The following PHC2 variants were observed in gnomAD, a reference collection of about 807,000 sequenced individuals.
The protein encoded by PHC2 is polyhomeotic homolog 2.
In PHC2, 29 loss-of-function variants were observed where a neutral mutation model predicts 87.4. The observed-to-expected ratio is 0.33, with a 90% confidence interval of 0.25 to 0.45. The LOEUF is 0.45. PHC2 is among the 20% of genes least tolerant of loss of function. The probability of loss-of-function intolerance (pLI) is 1.00; values close to 1 mark genes in which losing one functional copy is unlikely to be tolerated. For missense variants in PHC2, 857 were observed against 1,136.7 expected (o/e 0.75, Z 3.54); for synonymous variants, 438 against 461.7 (o/e 0.95, Z 0.66).
At position 33,369,635 on chromosome 1, in the gene PHC2, G is replaced by A. The variant is rs1050327667; in HGVS notation, c.576+786C>T. ...AGACCAGACAAGCTCCGAGGGTCAC[G>A]TCCTGGCCATAAGAGCAAAGGGAGG... On this transcript the variant is annotated intron_variant, in intron 5 of 14. Transcript: ENST00000683057. This position sits in a 1 kb window ranked among gnomAD's most constrained non-coding sequence, Gnocchi z 4.7. 4.6e-5 allele frequency among the ~76,000 whole-genome samples: 7 copies of A among 152,188 alleles called. No individual in the cohort carries two copies. Among genetic ancestry groups the A allele is most frequent in the East Asian group, 3.9e-4 (2 of 5,194 alleles).
chr1:33,359,659 A>C (rs1647158903), intron 7 of PHC2, among the ~76,000 whole-genome samples: 1 of 152,244 alleles, frequency 6.6e-6, no homozygotes, highest in Non-Finnish European at 1.5e-5. Flanking sequence ...TAATTTGGTA[A>C]ATATTATGAT....
intron 6 of PHC2, 88 bp from the exon 7 acceptor site, chr1:33,367,516 G>T: frequency 9.9e-7 from 1 of 1,011,754 alleles, no homozygotes; most frequent in Non-Finnish European, 1.5e-6. Context: ...ATGGATCCAG[G>T]AATGGCTGAA....
At chr1:33,376,422 G>C (rs931621708) in intron 1 of PHC2, among the ~76,000 whole-genome samples, 1 of 152,216 alleles carries the variant, frequency 6.6e-6, no homozygotes, top group Non-Finnish European at 1.5e-5. Flanking sequence ...ATCAGGTCTG[G>C]CTGATTCTAA....
intron 1 of PHC2, among the ~76,000 whole-genome samples, chr1:33,398,612 GA>G (rs1393204444): frequency 2.6e-5 from 4 of 152,154 alleles, no homozygotes; most frequent in African/African-American, 9.7e-5. Context: ...AAACATAAGG[GA>G]AAAGATGCTC....
At chr1:33,329,357 T>C (rs1646439194) in intron 13 of PHC2, among the ~76,000 whole-genome samples, 1 of 152,318 alleles carries the variant, frequency 6.6e-6, no homozygotes, top group Non-Finnish European at 1.5e-5. Flanking sequence ...AATACTGCAA[T>C]TATCTTTTTC....
intron 9 of PHC2, chr1:33,353,374 A>G (rs1035512853): frequency 6.6e-6 from 1 of 152,214 alleles, no homozygotes; most frequent in Non-Finnish European, 1.5e-5. Context: ...TCATTTGAAA[A>G]GCAACTTTCT....
chr1:33,396,824 C>T (rs981487252), intron 1 of PHC2, among the ~76,000 whole-genome samples: 5 of 152,144 alleles, frequency 3.3e-5, no homozygotes, highest in Non-Finnish European at 7.3e-5. Flanking sequence ...AGCTGAGATG[C>T]ATTTCTTTGG....
chr1:33,405,508 T>G (rs564739436), intron 1 of PHC2, among the ~76,000 whole-genome samples: 41 of 152,290 alleles, frequency 2.7e-4, no homozygotes, highest in African/African-American at 9.6e-4. Flanking sequence ...TATCAGTCTT[T>G]AAAAAGAATC....
Position 33,324,939 on chromosome 1 carries a change from T to A in PHC2, c.2506A>T (p.Met836Leu). ...ALLLLKEDHL[M>L]SAMNIKLGPA... is the part of the protein sequence containing the mutation. ...CCCAGCTTGATGTTCATGGCGCTCA[T>A]CAGGTGGTCCTCCTTGAGCAGCAGC... The change falls in exon 15 of 15, where the codon ATG becomes TTG. Residue 836 changes from methionine (M) to leucine (L), a missense_variant. Met to Leu is a conservative substitution (Grantham distance 15). This residue lies in a region of PHC2 where 22 missense variants were observed against 36.0 expected (regional missense o/e 0.61). Transcript: ENST00000683057. 6.2e-7 allele frequency: 1 copy of A among 1,614,058 alleles called. No individual in the cohort carries two copies. Among genetic ancestry groups the A allele is most frequent in the Non-Finnish European group, 8.5e-7 (1 of 1,179,934 alleles).
intron 1 of PHC2, among the ~76,000 whole-genome samples, chr1:33,424,096 T>A (rs1251601781): frequency 5.0e-5 from 4 of 79,454 alleles, no homozygotes; most frequent in Non-Finnish European, 8.6e-5. Context: ...AGACTCCGTC[T>A]CAAAAAAAAA....
intron 14 of PHC2, chr1:33,325,944 G>A: frequency 2.2e-6 from 1 of 455,990 alleles, no homozygotes; most frequent in South Asian, 1.6e-5. Flanking sequence ...TGGCCTTTAG[G>A]GAAGCTGCTG....
At chr1:33,379,619 C>T (rs1648392656) in intron 1 of PHC2, among the ~76,000 whole-genome samples, 1 of 149,226 alleles carries the variant, frequency 6.7e-6, no homozygotes, top group African/African-American at 2.5e-5. Flanking sequence ...CCCATGCTCC[C>T]TTTCACCACT....
chr1:33,349,746 G>T lies in PHC2; in HGVS notation c.1558+4655C>A. On this transcript the variant is annotated intron_variant, in intron 9 of 14. Coordinates refer to ENST00000683057, the MANE Select transcript of PHC2 (RefSeq NM_001385109.1). The surrounding 1 kb of genome is among the most constrained non-coding windows in gnomAD (Gnocchi z 4.2). ...GGCCCGGGGCTGCCGCGGCGCATCCGACCGCACCGGCCTGGCCGGCGTCAA... is the reference window on the plus strand; with the variant it reads ...GGCCCGGGGCTGCCGCGGCGCATCCTACCGCACCGGCCTGGCCGGCGTCAA... The T allele has an allele frequency of 3.0e-6, 3 of 992,314 alleles. No individual in the cohort carries two copies. In the South Asian group the frequency reaches 1.3e-4, roughly 42 times the overall value. 61.5% of individuals were successfully genotyped at this position (992,314 alleles called of 1,614,324 possible).
chr1:33,385,606 T>G (rs1051507194), intron 1 of PHC2, among the ~76,000 whole-genome samples: 7 of 152,112 alleles, frequency 4.6e-5, no homozygotes, highest in African/African-American at 1.7e-4. Context: ...AGGACAGAAG[T>G]TGACTTTTTT....
chr1:33,400,786 G>A (rs1649490039), intron 1 of PHC2, among the ~76,000 whole-genome samples: 1 of 152,076 alleles, frequency 6.6e-6, no homozygotes, highest in Non-Finnish European at 1.5e-5. Context: ...TAAAGAGTAA[G>A]AATTGTACAT....
chr1:33,396,709 GGA>G (rs1649308429), intron 1 of PHC2, among the ~76,000 whole-genome samples: 1 of 152,198 alleles, frequency 6.6e-6, no homozygotes, highest in South Asian at 2.1e-4. Context: ...TCTGGTATGG[GGA>G]GAGAGTGGCT....
intron 1 of PHC2, among the ~76,000 whole-genome samples, chr1:33,415,555 G>T (rs865834410): frequency 6.6e-6 from 1 of 152,050 alleles, no homozygotes; most frequent in Non-Finnish European, 1.5e-5. Context: ...ACTAATTAAA[G>T]AAATATAATG....
chr1:33,328,355 TTAG>T (rs1415883450), intron 14 of PHC2, among the ~76,000 whole-genome samples: 1 of 150,944 alleles, frequency 6.6e-6, no homozygotes, highest in Non-Finnish European at 1.5e-5. Flanking sequence ...CTACTGTCAT[TTAG>T]TTTACATTTT....
In PHC2 at chr1:33,330,345, C is replaced by A. The variant is rs1646463258; in HGVS notation, c.2007-133G>T. 5 of 896,478 alleles carry A rather than the reference C, an allele frequency of 5.6e-6. No homozygotes were observed. In the South Asian group the frequency reaches 6.3e-5, roughly 11 times the overall value. The allele number at this position is 896,478 out of a possible 1,614,324, so 55.5% of individuals were successfully genotyped here. On this transcript the variant is annotated intron_variant, in intron 12 of 14. Coordinates refer to ENST00000683057, the MANE Select transcript of PHC2 (RefSeq NM_001385109.1). Reference sequence around the variant, plus strand: ...GTTCAGATCCTAACTCCATCACTAACTACTAGCTGTGTGACTTTGGGTTTA... The same window carrying A: ...GTTCAGATCCTAACTCCATCACTAAATACTAGCTGTGTGACTTTGGGTTTA...
Sources: gnomAD v4.1 joint callset for allele counts (sites outside exome capture counted in the v4.1 genomes callset) on GRCh38, gnomAD v4.1.1 for gene constraint, gnomAD v4.1.1 regional missense constraint, Gnocchi (gnomAD v3.1) non-coding constraint, MANE v1.5 for transcripts, NCBI Gene and HGNC (gene_info 2026-07-23, HGNC 2026-07-21) for gene names.